The following EDNRB variants were observed in gnomAD, a reference collection of about 807,000 sequenced individuals.
The protein encoded by EDNRB is Hirschsprung disease 2.
In EDNRB, 18 loss-of-function variants were observed where a neutral mutation model predicts 46.4. The observed-to-expected ratio is 0.39, with a 90% confidence interval of 0.27 to 0.57. The LOEUF is 0.57. Ranked by LOEUF, EDNRB falls within the 20% of genes least tolerant of loss-of-function variation. The pLI is 0.61. For missense variants in EDNRB, 434 were observed against 537.5 expected (o/e 0.81, Z 1.90); for synonymous variants, 213 against 204.9 (o/e 1.04, Z -0.34).
chr13:77,964,165 T>C (rs886992194), intron 1 of EDNRB, among the ~76,000 whole-genome samples: 1 of 152,196 alleles, frequency 6.6e-6, no homozygotes, highest in Admixed American at 6.5e-5. Flanking sequence ...ACTTTTACAT[T>C]GTTGGTGGGG....
At chr13:77,922,228 A>G (rs1216461125), upstream of EDNRB, among the ~76,000 whole-genome samples, 1 of 152,104 alleles carries the variant, frequency 6.6e-6, no homozygotes, top group Non-Finnish European at 1.5e-5. Flanking sequence ...ATTGGCTAAG[A>G]TCACTTCTCA....
upstream of EDNRB, among the ~76,000 whole-genome samples, chr13:77,920,783 G>A (rs1031375606): frequency 1.3e-5 from 2 of 152,202 alleles, no homozygotes; most frequent in African/African-American, 4.8e-5. Context: ...CAATTGCTGA[G>A]CCAAGTAACA....
intron 1 of EDNRB, among the ~76,000 whole-genome samples, chr13:77,907,279 G>T (rs1879329060): frequency 6.6e-6 from 1 of 151,892 alleles, no homozygotes; most frequent in Non-Finnish European, 1.5e-5. Flanking sequence ...TCTCTTGAGG[G>T]CCTGAATAGA....
Position 77,897,285 on chromosome 13 carries a change from G to C in EDNRB, c.*915C>G, listed in dbSNP as rs199622890. 1.0e-6 allele frequency: 1 copy of C among 985,180 alleles called. No homozygotes were observed. Among genetic ancestry groups the C allele is most frequent in the South Asian group, 4.7e-5 (1 of 21,278 alleles). 61.0% of individuals were successfully genotyped at this position (985,180 alleles called of 1,614,324 possible). A position where few individuals can be genotyped will look rare whatever the true frequency, so the allele number is the denominator to read the frequency against. On this transcript the variant is annotated 3_prime_UTR_variant, in exon 7 of 7. Coordinates refer to ENST00000646607, the MANE Select transcript of EDNRB (RefSeq NM_001122659.3). The stretch of plus-strand genomic sequence containing the variant: ...TATTTACAGATGACAAAACCAAACA[G>C]AGTTTAAGCTACGATAGTGAAAGAA...
chr13:77,899,380 G>A (rs1878809222), intron 6 of EDNRB: 1 of 172,500 alleles, frequency 5.8e-6, no homozygotes, highest in African/African-American at 2.5e-5. Flanking sequence ...GCACATCACT[G>A]TTATACAAAA....
chr13:77,914,577 T>C (rs1270650291), intron 1 of EDNRB, among the ~76,000 whole-genome samples: 1 of 152,078 alleles, frequency 6.6e-6, no homozygotes, highest in Non-Finnish European at 1.5e-5. Flanking sequence ...TTTACATGAG[T>C]TTAAAGTTCT....
chr13:77,915,016 A>C (rs1398209848), intron 1 of EDNRB, among the ~76,000 whole-genome samples: 12 of 152,136 alleles, frequency 7.9e-5, no homozygotes, highest in Non-Finnish European at 1.8e-4. Context: ...GAATTATAAA[A>C]CCCCACCAAA....
chr13:77,900,032 C>T (rs1878859304), intron 5 of EDNRB, 65 bp from the exon 6 acceptor site: 9 of 1,392,996 alleles, frequency 6.5e-6, no homozygotes, highest in Non-Finnish European at 9.1e-6. Context: ...GTCATTGTAG[C>T]TTCTGTGCTT....
intron 1 of EDNRB, among the ~76,000 whole-genome samples, chr13:77,941,204 T>TA (rs1880734388): frequency 6.6e-6 from 1 of 152,014 alleles, no homozygotes; most frequent in Non-Finnish European, 1.5e-5. Flanking sequence ...AAGAATCAAA[T>TA]AAAAAAGAGA....
intron 1 of EDNRB, among the ~76,000 whole-genome samples, chr13:77,906,304 A>T (rs934471592): frequency 6.6e-6 from 1 of 151,908 alleles, no homozygotes; most frequent in South Asian, 2.1e-4. Flanking sequence ...TAAGAATAAA[A>T]ATTATCCAAC....
chr13:77,923,875 T>C (rs148231160), upstream of EDNRB, among the ~76,000 whole-genome samples: 92 of 152,238 alleles, frequency 6.0e-4, no homozygotes, highest in African/African-American at 2.0e-3. Context: ...GCAGGCTTTT[T>C]TTCTTCTTCT....
intron 1 of EDNRB, among the ~76,000 whole-genome samples, chr13:77,949,588 G>A (rs1192450272): frequency 1.3e-5 from 2 of 152,258 alleles, no homozygotes; most frequent in African/African-American, 4.8e-5. Context: ...GACACACTGA[G>A]TTCTGTGGGA....
chr13:77,962,568 C>G (rs998881299), intron 1 of EDNRB, among the ~76,000 whole-genome samples: 4 of 152,182 alleles, frequency 2.6e-5, no homozygotes, highest in Admixed American at 2.0e-4. Flanking sequence ...CAAAATTCAA[C>G]AGCCCTTCAT....
intron 1 of EDNRB, among the ~76,000 whole-genome samples, chr13:77,930,253 T>A (rs1880354667): frequency 6.6e-6 from 1 of 152,154 alleles, no homozygotes; most frequent in African/African-American, 2.4e-5. Flanking sequence ...CCAAGAAAAC[T>A]GAAAGCAGTA....
chr13:77,905,143 G>C (rs575771494), intron 1 of EDNRB, among the ~76,000 whole-genome samples: 16 of 151,902 alleles, frequency 1.1e-4, no homozygotes, highest in Non-Finnish European at 2.2e-4. Flanking sequence ...CAGAGAAGTG[G>C]AGGGTGCCAG....
At chr13:77,945,642 T>C (rs1383784970) in intron 1 of EDNRB, among the ~76,000 whole-genome samples, 1 of 151,792 alleles carries the variant, frequency 6.6e-6, no homozygotes, top group Non-Finnish European at 1.5e-5. Flanking sequence ...GGACTGAGAG[T>C]CTCTCTGAGG....
At chr13:77,941,825 C>G (rs189589385) in intron 1 of EDNRB, among the ~76,000 whole-genome samples, 1 of 152,078 alleles carries the variant, frequency 6.6e-6, no homozygotes, top group Non-Finnish European at 1.5e-5. Flanking sequence ...AAAGCCTTGT[C>G]GAGAATACTG....
Position 77,896,655 on chromosome 13 carries a change from T to G in EDNRB, c.*1545A>C, listed in dbSNP as rs1163205654. 2 of 1,490,164 alleles carry G rather than the reference T, an allele frequency of 1.3e-6. No homozygotes were observed. The allele number at this position is 1,490,164 out of a possible 1,614,324, so 92.3% of individuals were successfully genotyped here. A position where few individuals can be genotyped will look rare whatever the true frequency, so the allele number is the denominator to read the frequency against. On this transcript the variant is annotated 3_prime_UTR_variant, in exon 7 of 7. Coordinates refer to ENST00000646607, the MANE Select transcript of EDNRB (RefSeq NM_001122659.3). ...ATTTCGAAAGTCACTCTGAGAACAT[T>G]GCACTGTGTTTTGCTGGAACAAAAT...
intron 1 of EDNRB, among the ~76,000 whole-genome samples, chr13:77,904,058 A>C (rs1397457174): frequency 6.6e-6 from 1 of 152,030 alleles, no homozygotes; most frequent in Non-Finnish European, 1.5e-5. Context: ...CAGCATGTGC[A>C]TTCAGGCACT....
Sources: gnomAD v4.1 joint callset for allele counts (sites outside exome capture counted in the v4.1 genomes callset) on GRCh38, gnomAD v4.1.1 for gene constraint, MANE v1.5 for transcripts, NCBI Gene and HGNC (gene_info 2026-07-23, HGNC 2026-07-21) for gene names.